ANKRD11: variants seen among roughly 807,000 people sequenced by gnomAD.
ANKRD11 encodes the protein ankyrin repeat domain-containing protein 11.
ANKRD11 carries 17 observed loss-of-function variants against 195.7 expected under a neutral mutation model. The ratio of observed to expected loss-of-function variants is 0.09; its 90% CI spans 0.06 to 0.13. The LOEUF is 0.13. Among genes scored for constraint, ANKRD11 ranks in the 10% least tolerant of loss-of-function variants. ANKRD11 has a pLI of 1.00. For missense variants in ANKRD11, 3,735 were observed against 3,566.1 expected, an observed-to-expected ratio of 1.05 and a Z score of -1.21; for synonymous variants, 1,953 against 1,528.1, an observed-to-expected ratio of 1.28 and a Z score of -6.49.
At chr16:89,438,831 C>T (rs1597404222) in intron 1 of ANKRD11, among the ~76,000 whole-genome samples, 2 of 151,872 alleles carry the variant, frequency 1.3e-5, no homozygotes, top group African/African-American at 2.4e-5. Flanking sequence ...CATGTGAGAC[C>T]GCATCTCTAT....
chr16:89,355,121 G>A (rs1040746519), intron 2 of ANKRD11, among the ~76,000 whole-genome samples: 1 of 152,152 alleles, frequency 6.6e-6, no homozygotes, highest in Non-Finnish European at 1.5e-5. Flanking sequence ...GCTGCCCTGT[G>A]GTCTCCCGTC....
intron 1 of ANKRD11, among the ~76,000 whole-genome samples, chr16:89,446,587 G>A (rs756012679): frequency 3.3e-5 from 5 of 152,122 alleles, no homozygotes; most frequent in Non-Finnish European, 5.9e-5. Flanking sequence ...CTGGGTGACA[G>A]AGCGAGCCCC....
intron 2 of ANKRD11, among the ~76,000 whole-genome samples, chr16:89,398,287 G>A (rs2041540864): frequency 6.6e-6 from 1 of 150,674 alleles, no homozygotes; most frequent in Non-Finnish European, 1.5e-5. Flanking sequence ...TGTGACCTCA[G>A]CACTCTGGGA....
chr16:89,389,596 A>T (rs1375974069), intron 2 of ANKRD11, among the ~76,000 whole-genome samples: 1 of 152,186 alleles, frequency 6.6e-6, no homozygotes, highest in Non-Finnish European at 1.5e-5. Flanking sequence ...GTGAGACGAA[A>T]ATCACACTGG....
chr16:89,470,584 G>A (rs1307924164), intron 1 of ANKRD11, among the ~76,000 whole-genome samples: 3 of 152,148 alleles, frequency 2.0e-5, no homozygotes, highest in Non-Finnish European at 4.4e-5. Flanking sequence ...GATGGCTCAC[G>A]CCTCTAATCC....
chr16:89,466,438 T>C (rs1008979263), intron 1 of ANKRD11, among the ~76,000 whole-genome samples: 6 of 152,116 alleles, frequency 3.9e-5, no homozygotes, highest in African/African-American at 1.4e-4. Context: ...ATATAATGAA[T>C]ATACTAAAAA....
intron 2 of ANKRD11, among the ~76,000 whole-genome samples, chr16:89,362,453 G>T (rs913701822): frequency 3.3e-5 from 5 of 152,198 alleles, no homozygotes; most frequent in African/African-American, 1.2e-4. Context: ...GAAGTGAACA[G>T]CACTGAAGCC....
In ANKRD11 at chr16:89,393,353, C is replaced by G. The variant is rs545319913; in HGVS notation, c.-60+24931G>C. 2.7e-5 allele frequency among the ~76,000 whole-genome samples: 4 copies of G among 147,284 alleles called. No individual in the cohort carries two copies. In the East Asian group the frequency reaches 7.9e-4, roughly 29 times the overall value. On this transcript the variant is annotated intron_variant, in intron 2 of 12. Transcript: ENST00000301030. ...TGAGACGGAGGCTTGCTCTGTAGTGCGAGACCACTCAGGCAGGTGGAGTAC... is the reference window on the plus strand; with the variant it reads ...TGAGACGGAGGCTTGCTCTGTAGTGGGAGACCACTCAGGCAGGTGGAGTAC...
chr16:89,294,751 A>G (rs1387057920), intron 4 of ANKRD11, among the ~76,000 whole-genome samples: 1 of 152,154 alleles, frequency 6.6e-6, no homozygotes, highest in African/African-American at 2.4e-5. Context: ...GGCACCACAC[A>G]AGTGGGTCCC....
intron 2 of ANKRD11, among the ~76,000 whole-genome samples, chr16:89,391,227 CAAAAA>C (rs35753411): frequency 1.0e-5 from 1 of 95,310 alleles, no homozygotes. Context: ...GACTCTGTCT[CAAAAA>C]AAAAAAAAAA....
At chr16:89,375,503 G>C (rs903470106) in intron 2 of ANKRD11, among the ~76,000 whole-genome samples, 1 of 151,824 alleles carries the variant, frequency 6.6e-6, no homozygotes, top group East Asian at 1.9e-4. Context: ...CTTGTCGCCC[G>C]GGCTGGAGTG....
chr16:89,418,334 A>T lies in ANKRD11; in HGVS notation c.-110T>A, dbSNP rs1018259176. 2.2e-6 allele frequency: 1 copy of T among 453,854 alleles called. No individual in the cohort carries two copies. Among genetic ancestry groups the T allele is most frequent in the Non-Finnish European group, 4.4e-6 (1 of 226,660 alleles). 28.1% of individuals were successfully genotyped at this position (453,854 alleles called of 1,614,324 possible). ...TGACGAGGACTGTCTTTTAAATCCAATGGAGGTGTGTCCCAGAGCAGGGCT... is the reference window on the plus strand; with the variant it reads ...TGACGAGGACTGTCTTTTAAATCCATTGGAGGTGTGTCCCAGAGCAGGGCT... On this transcript the variant is annotated 5_prime_UTR_variant, in exon 2 of 13. It adds an upstream start codon to the 5' untranslated region. Coordinates refer to ENST00000301030, the MANE Select transcript of ANKRD11 (RefSeq NM_013275.6).
In ANKRD11 at chr16:89,297,208, CT is replaced by C. The variant is rs1490067586; in HGVS notation, c.227-6026del. ...ATTTCTAGGCTTTTCTAGCAAGAGT[CT>C]TTTAGGAGACACAGGCCACGATACT... On this transcript the variant is annotated intron_variant, in intron 4 of 12. Coordinates refer to ENST00000301030, the MANE Select transcript of ANKRD11 (RefSeq NM_013275.6). 3.9e-5 allele frequency among the ~76,000 whole-genome samples: 6 copies of C among 152,280 alleles called. No individual in the cohort carries two copies. In the East Asian group the frequency reaches 1.2e-3, roughly 29 times the overall value.
rs201607978 is a variant in ANKRD11 at position 89,283,931 on chromosome 16, C to T, written c.2611G>A (p.Asp871Asn). The T allele has an allele frequency of 6.2e-6, 10 of 1,614,028 alleles. No homozygotes were observed. The highest frequency in any genetic ancestry group is 3.3e-5 in the South Asian group (3 of 91,084). Residue 871 changes from aspartate (D) to asparagine (N), a missense_variant, in exon 9 of 13, where the codon GAC becomes AAC. Asp to Asn is a conservative substitution (Grantham distance 23). Coordinates refer to ENST00000301030, the MANE Select transcript of ANKRD11 (RefSeq NM_013275.6). This position sits in a 1 kb window ranked among gnomAD's most constrained non-coding sequence, Gnocchi z 4.3. ...PVTDYRDMKS[D>N]SVAKLILETV... is the part of the protein sequence containing the mutation. ...TCCAAGATGAGCTTGGCCACAGAGT[C>T]GCTCTTCATGTCCCTGTAGTCTGTC...
intron 12 of ANKRD11, 127 bp from the exon 13 acceptor site, chr16:89,268,790 GC>G: frequency 9.0e-7 from 1 of 1,110,258 alleles, no homozygotes; most frequent in Non-Finnish European, 1.3e-6. Flanking sequence ...TATGGGCCAG[GC>G]CCAGCTGTAC....
intron 4 of ANKRD11, chr16:89,300,453 C>T (rs1255626497): frequency 2.1e-5 from 4 of 194,352 alleles, no homozygotes; most frequent in Admixed American, 1.2e-4. Context: ...GCACCTGCCC[C>T]GCCTGCGAGC....
intron 1 of ANKRD11, among the ~76,000 whole-genome samples, chr16:89,464,901 CTACTATGAT>C (rs2056831227): frequency 6.6e-6 from 1 of 152,154 alleles, no homozygotes; most frequent in South Asian, 2.1e-4. Flanking sequence ...CCAAGTTCAT[CTACTATGAT>C]TACTATGATG....
chr16:89,428,352 C>A (rs9923267), intron 1 of ANKRD11, among the ~76,000 whole-genome samples: 3 of 151,692 alleles, frequency 2.0e-5, no homozygotes, highest in Non-Finnish European at 4.4e-5. Flanking sequence ...GGTGAAACCC[C>A]GTCTCTACTA....
At position 89,280,568 on chromosome 16, in the gene ANKRD11, T is replaced by A. The variant is rs763207005; in HGVS notation, c.5974A>T (p.Lys1992Ter). Residue 1992 changes from lysine (K) to a stop codon, truncating the protein, a stop_gained, in exon 9 of 13, where the codon AAG becomes TAG. Coordinates refer to ENST00000301030, the MANE Select transcript of ANKRD11 (RefSeq NM_013275.6). LOFTEE classifies it high-confidence loss of function. ...KSPQRFPESP[K>*]RFCPADPLHS... ...AGGGGGTCCGCGGGGCAGAAACGCT[T>A]TGGGGACTCGGGGAATCTCTGTGGA... 6.2e-7 allele frequency: 1 copy of A among 1,613,184 alleles called. No homozygotes were observed. The highest frequency in any genetic ancestry group is 8.5e-7 in the Non-Finnish European group (1 of 1,179,872).
Sources: gnomAD v4.1 joint callset for allele counts (sites outside exome capture counted in the v4.1 genomes callset) on GRCh38, gnomAD v4.1.1 for gene constraint, Gnocchi (gnomAD v3.1) non-coding constraint, MANE v1.5 for transcripts, NCBI Gene and HGNC (gene_info 2026-07-23, HGNC 2026-07-21) for gene names.